The following RB1CC1 variants were observed in gnomAD, a reference collection of about 807,000 sequenced individuals.
RB1CC1 encodes RB1 inducible coiled-coil 1.
RB1CC1 carries 46 observed loss-of-function variants against 177.5 expected under a neutral mutation model. The ratio of observed to expected loss-of-function variants is 0.26; its 90% confidence interval spans 0.20 to 0.33. RB1CC1 has a LOEUF of 0.33. RB1CC1 is among the 10% of genes least tolerant of loss of function. The probability of loss-of-function intolerance (pLI) is 1.00; values close to 1 mark genes in which losing one functional copy is unlikely to be tolerated. For synonymous variants in RB1CC1, 666 were observed against 613.6 expected (o/e 1.09, Z -1.26); for missense variants, 1,703 against 1,816.3 (o/e 0.94, Z 1.13).
chr8:52,667,991 CT>C (rs775057856), intron 8 of RB1CC1, 29 bp downstream of exon 8: 7 of 1,581,434 alleles, frequency 4.4e-6, no homozygotes, highest in Non-Finnish European at 6.0e-6. Context: ...CTATAAATTC[CT>C]TTTCCTGAGA....
intron 1 of RB1CC1, among the ~76,000 whole-genome samples, chr8:52,690,340 T>C (rs1159336841): frequency 1.3e-5 from 2 of 152,202 alleles, no homozygotes; most frequent in Non-Finnish European, 2.9e-5. Flanking sequence ...AACACGTGTA[T>C]TGATATTATG....
intron 8 of RB1CC1, 46 bp downstream of exon 8, chr8:52,667,975 A>G (rs1361412097): frequency 3.2e-6 from 5 of 1,570,286 alleles, no homozygotes; most frequent in Non-Finnish European, 3.5e-6. Context: ...CATGTGTACA[A>G]AAAAACTATA....
intron 7 of RB1CC1, 22 bp downstream of exon 7, chr8:52,673,823 A>G (rs761509516): frequency 1.9e-6 from 3 of 1,563,214 alleles, no homozygotes; most frequent in East Asian, 2.3e-5. Flanking sequence ...GACAAAACAA[A>G]CATCAAATTA....
intron 18 of RB1CC1, among the ~76,000 whole-genome samples, chr8:52,638,336 T>G (rs548119340): frequency 6.6e-6 from 1 of 152,176 alleles, no homozygotes; most frequent in Non-Finnish European, 1.5e-5. Context: ...ATAAAGCCAA[T>G]TGGAATTCCT....
intron 3 of RB1CC1, among the ~76,000 whole-genome samples, chr8:52,684,999 G>A (rs950475853): frequency 1.5e-5 from 2 of 131,118 alleles, no homozygotes; most frequent in African/African-American, 5.4e-5. Context: ...GCCATTATGT[G>A]ACCTTTTTTT....
At chr8:52,697,828 A>G (rs1490738524) in intron 1 of RB1CC1, among the ~76,000 whole-genome samples, 1 of 152,242 alleles carries the variant, frequency 6.6e-6, no homozygotes, top group Non-Finnish European at 1.5e-5. Context: ...TTAAATAATT[A>G]TGATGTTTCT....
At chr8:52,682,550 T>C (rs58310291) in intron 5 of RB1CC1, among the ~76,000 whole-genome samples, 4,921 of 152,260 alleles carry the variant, frequency 0.032, 237 homozygotes, top group African/African-American at 0.11. Context: ...TTATCTTTTC[T>C]TTTTACTTTC....
intron 1 of RB1CC1, 99 bp downstream of exon 1, chr8:52,713,976 G>A (rs1857285683): frequency 8.5e-6 from 2 of 234,354 alleles, no homozygotes; most frequent in Admixed American, 6.1e-5. Context: ...AGGCCGACCG[G>A]AACCCTGGAC....
chr8:52,699,488 T>C (rs1020590166), intron 1 of RB1CC1, among the ~76,000 whole-genome samples: 2 of 151,914 alleles, frequency 1.3e-5, no homozygotes, highest in Non-Finnish European at 2.9e-5. Flanking sequence ...TTGCCTATCT[T>C]TCTGTGTTTT....
intron 15 of RB1CC1, among the ~76,000 whole-genome samples, chr8:52,650,359 T>G (rs547390380): frequency 6.6e-6 from 1 of 152,300 alleles, no homozygotes; most frequent in East Asian, 1.9e-4. Flanking sequence ...ATGTGGGCAA[T>G]GTGAGATTCG....
rs180757860 is a variant in RB1CC1 at position 52,670,357 on chromosome 8, C to A, written c.1003-2166G>T. Reference sequence around the variant, plus strand: ...CAGAATCTCATTAGTAATTATTTAGCCAATTTTCAATAATTAACAGTCAGT... The same window carrying A: ...CAGAATCTCATTAGTAATTATTTAGACAATTTTCAATAATTAACAGTCAGT... On this transcript the variant is annotated intron_variant, in intron 7 of 23. Coordinates refer to ENST00000025008, the MANE Select transcript of RB1CC1 (RefSeq NM_014781.5). Among the ~76,000 whole-genome samples the A allele has an allele frequency of 5.4e-3, 826 of 152,264 alleles. 7 individuals are homozygous for A. Among genetic ancestry groups the A allele is most frequent in the African/African-American group, 0.019 (795 of 41,552 alleles).
intron 19 of RB1CC1, among the ~76,000 whole-genome samples, chr8:52,635,240 T>G (rs1284995375): frequency 1.3e-5 from 2 of 152,162 alleles, no homozygotes; most frequent in Admixed American, 6.5e-5. Context: ...GTAGTAAAAA[T>G]CTGAGATCTA....
chr8:52,627,834 G>A (rs1848502329), intron 22 of RB1CC1, among the ~76,000 whole-genome samples, 198 bp downstream of exon 22: 1 of 152,092 alleles, frequency 6.6e-6, no homozygotes. Context: ...CCTTGTATAA[G>A]CTACACTCCT....
chr8:52,650,623 G>A (rs1850483753), intron 15 of RB1CC1, among the ~76,000 whole-genome samples: 1 of 151,538 alleles, frequency 6.6e-6, no homozygotes, highest in Admixed American at 6.6e-5. Context: ...GCTCAATCCT[G>A]ATACAAAAAA....
chr8:52,675,181 C>A (rs944330738), intron 6 of RB1CC1, among the ~76,000 whole-genome samples: 40 of 152,110 alleles, frequency 2.6e-4, no homozygotes, highest in African/African-American at 9.4e-4. Context: ...TCTTTCTAGT[C>A]TTAATGAATC....
In RB1CC1 at chr8:52,628,185, A is replaced by G; in HGVS notation, c.4500-17T>C. 6.2e-7 allele frequency: 1 copy of G among 1,602,470 alleles called. No homozygotes were observed. Among genetic ancestry groups the G allele is most frequent in the Non-Finnish European group, 8.5e-7 (1 of 1,172,922 alleles). On this transcript the variant is annotated splice_polypyrimidine_tract_variant and intron_variant, in intron 21 of 23. Transcript: ENST00000025008. ...ACCTGAAAACTGAATAAAGAAATGC[A>G]ATTTTATTGACTTAGAGTTACTTTC...
chr8:52,626,499 TAAA>T, intron 22 of RB1CC1, among the ~76,000 whole-genome samples: 1 of 152,228 alleles, frequency 6.6e-6, no homozygotes, highest in Admixed American at 6.5e-5. Context: ...TACATACACA[TAAA>T]AAGATATTGC....
chr8:52,644,857 T>C (rs557823106), intron 16 of RB1CC1, among the ~76,000 whole-genome samples: 1 of 152,328 alleles, frequency 6.6e-6, no homozygotes, highest in Non-Finnish European at 1.5e-5. Flanking sequence ...ACCATAAATA[T>C]GCAGTTTCAG....
Position 52,649,837 on chromosome 8 carries a change from T to C in RB1CC1, c.3822-3970A>G, listed in dbSNP as rs535421530. On this transcript the variant is annotated intron_variant, in intron 15 of 23. Transcript: ENST00000025008. ...TGTACAAAGGTACAGGAGAAAGCTT[T>C]CTCCTATATTTTCAAAACTAAACAT... Among the ~76,000 whole-genome samples, 18 of 152,326 alleles carry C rather than the reference T, an allele frequency of 1.2e-4. No individual in the cohort carries two copies. The South Asian group carries it at 3.1e-3, about 26-fold the overall frequency.
Sources: allele counts gnomAD v4.1 joint callset (sites outside exome capture counted in the v4.1 genomes callset), GRCh38; gene constraint gnomAD v4.1.1; transcripts MANE v1.5; gene names NCBI Gene and HGNC (gene_info 2026-07-23, HGNC 2026-07-21).